The following ARHGAP28 variants were observed in gnomAD, a reference collection of about 807,000 sequenced individuals.
The protein encoded by ARHGAP28 is Rho GTPase activating protein 28, also known as rho GTPase-activating protein 28.
Under a neutral mutation model 90.7 loss-of-function variants are expected in ARHGAP28, and 56 were observed. The observed-to-expected ratio is 0.62, with a 90% CI of 0.50 to 0.77. The LOEUF (loss-of-function observed/expected upper bound fraction) is 0.77. Ranked by LOEUF, ARHGAP28 falls within the 30% of genes least tolerant of loss-of-function variation. The probability of loss-of-function intolerance (pLI) is 0.00; values close to 1 mark genes in which losing one functional copy is unlikely to be tolerated. For missense variants in ARHGAP28, 869 were observed against 900.9 expected, an observed-to-expected ratio of 0.96 and a Z score of 0.45; for synonymous variants, 308 against 323.3, an observed-to-expected ratio of 0.95 and a Z score of 0.51.
At chr18:6,881,769 T>A (rs904412961) in intron 10 of ARHGAP28, among the ~76,000 whole-genome samples, 1 of 152,152 alleles carries the variant, frequency 6.6e-6, no homozygotes. Flanking sequence ...CAGAAGGGAT[T>A]ATGAAAAGAG....
intron 2 of ARHGAP28, chr18:6,836,244 A>G (rs1337143008): frequency 6.6e-6 from 1 of 152,618 alleles, no homozygotes; most frequent in Non-Finnish European, 1.5e-5. Context: ...CAGGGAGAAG[A>G]TGGCAGCTCG....
At chr18:6,834,345 C>G (rs1567963362) in intron 2 of ARHGAP28, 1 of 151,992 alleles carries the variant, frequency 6.6e-6, no homozygotes, top group Admixed American at 6.6e-5. Context: ...GAAAAAGAGG[C>G]TTTCCTGAGA....
At chr18:6,841,182 T>TCTCTCTCTCTC (rs1567966582) in intron 3 of ARHGAP28, among the ~76,000 whole-genome samples, 11 of 44,228 alleles carry the variant, frequency 2.5e-4, no homozygotes, top group Non-Finnish European at 8.1e-5. Flanking sequence ...CTCTCTCTCC[T>TCTCTCTCTCTC]CTCTCTCTCT....
At chr18:6,829,909 G>A (rs1449362968) in intron 2 of ARHGAP28, among the ~76,000 whole-genome samples, 1 of 152,142 alleles carries the variant, frequency 6.6e-6, no homozygotes, top group Non-Finnish European at 1.5e-5. Context: ...TGTCAAGCTG[G>A]GCCATGCTCT....
At chr18:6,747,777 G>A (rs1348621236) in intron 1 of ARHGAP28, among the ~76,000 whole-genome samples, 1 of 152,260 alleles carries the variant, frequency 6.6e-6, no homozygotes, top group East Asian at 1.9e-4. Context: ...AATCATAGTG[G>A]TTCAGCCAGA....
At chr18:6,822,042 T>C (rs1331000633) in intron 1 of ARHGAP28, among the ~76,000 whole-genome samples, 1 of 152,176 alleles carries the variant, frequency 6.6e-6, no homozygotes, top group African/African-American at 2.4e-5. Flanking sequence ...TATTACCGTA[T>C]TGGCTTGAAA....
intron 17 of ARHGAP28, among the ~76,000 whole-genome samples, chr18:6,910,737 GC>G (rs2057391930): frequency 4.6e-5 from 7 of 152,086 alleles, no homozygotes; most frequent in Admixed American, 4.6e-4. Flanking sequence ...TGTAAACCCA[GC>G]CCCTAGAATA....
intron 2 of ARHGAP28, among the ~76,000 whole-genome samples, chr18:6,833,999 T>C (rs1189795298): frequency 6.6e-6 from 1 of 152,128 alleles, no homozygotes; most frequent in Non-Finnish European, 1.5e-5. Context: ...AAGCTGTTTT[T>C]AACTAACCAA....
Position 6,729,883 on chromosome 18 carries a change from A to T in ARHGAP28, c.62A>T (p.Gln21Leu), listed in dbSNP as rs2055860297. Residue 21 changes from glutamine to leucine, a missense_variant, in exon 1 of 18, where the codon CAG becomes CTG. Coordinates refer to ENST00000383472, the MANE Select transcript of ARHGAP28 (RefSeq NM_001366230.1). ...LTAYHSYARA[Q>L]PPNAESRCAP... ...GCCTACCACTCGTACGCGCGCGCCC[A>T]GCCCCCCAACGCCGAGTCGCGCTGC... The T allele has an allele frequency of 7.0e-7, 1 of 1,432,928 alleles. No homozygotes were observed. The highest frequency in any genetic ancestry group is 2.7e-5 in the Admixed American group (1 of 37,728). 88.8% of individuals were successfully genotyped at this position (1,432,928 alleles called of 1,614,324 possible). A position where few individuals can be genotyped will look rare whatever the true frequency, so the allele number is the denominator to read the frequency against.
Position 6,787,272 on chromosome 18 carries a change from T to G in ARHGAP28, c.123-37490T>G, listed in dbSNP as rs1460664666. ...TGAAGTTGCCCTTGTAAATGTATTT[T>G]GAGGATAAGAAAAAAAAAAAACTAA... On this transcript the variant is annotated intron_variant, in intron 1 of 17. Coordinates refer to ENST00000383472, the MANE Select transcript of ARHGAP28 (RefSeq NM_001366230.1). Among the ~76,000 whole-genome samples the G allele has an allele frequency of 2.0e-5, 3 of 149,450 alleles. No individual in the cohort carries two copies. In the South Asian group the frequency reaches 6.4e-4, roughly 32 times the overall value.
At chr18:6,889,178 A>G (rs1600290492) in intron 12 of ARHGAP28, among the ~76,000 whole-genome samples, 1 of 152,104 alleles carries the variant, frequency 6.6e-6, no homozygotes, top group Non-Finnish European at 1.5e-5. Context: ...ACCAAAGAGC[A>G]CTTCTTTTGG....
Position 6,912,347 on chromosome 18 carries a change from A to C in ARHGAP28, c.*193A>C. The C allele has an allele frequency of 2.7e-6, 1 of 373,110 alleles. No individual in the cohort carries two copies. Among genetic ancestry groups the C allele is most frequent in the Non-Finnish European group, 4.8e-6 (1 of 206,772 alleles). 23.1% of individuals were successfully genotyped at this position (373,110 alleles called of 1,614,324 possible). On this transcript the variant is annotated 3_prime_UTR_variant, in exon 18 of 18. Transcript: ENST00000383472. ...TCACCAATTCAACTGAAGCTTTCTC[A>C]TGACTTTTTTTTTTATAAAAGTAAA...
intron 1 of ARHGAP28, among the ~76,000 whole-genome samples, chr18:6,798,303 C>T (rs529361107): frequency 6.6e-6 from 1 of 152,100 alleles, no homozygotes; most frequent in Non-Finnish European, 1.5e-5. Context: ...AAGCAATTCT[C>T]CTGCCTCAGC....
At chr18:6,798,275 C>T (rs1600193763) in intron 1 of ARHGAP28, among the ~76,000 whole-genome samples, 1 of 152,128 alleles carries the variant, frequency 6.6e-6, no homozygotes, top group East Asian at 1.9e-4. Context: ...CTCACTGCAA[C>T]TTCCGCCTCC....
chr18:6,866,526 G>A (rs890118374), intron 5 of ARHGAP28, among the ~76,000 whole-genome samples: 7 of 152,104 alleles, frequency 4.6e-5, no homozygotes, highest in African/African-American at 1.4e-4. Context: ...GAAACCTTCT[G>A]GGCAGCACCT....
chr18:6,817,927 C>T (rs974722858), intron 1 of ARHGAP28, among the ~76,000 whole-genome samples: 3 of 152,164 alleles, frequency 2.0e-5, no homozygotes, highest in Non-Finnish European at 2.9e-5. Flanking sequence ...CTGATAAATA[C>T]AGTTTTATTT....
chr18:6,891,959 C>G (rs1208742884), intron 14 of ARHGAP28, among the ~76,000 whole-genome samples: 1 of 152,030 alleles, frequency 6.6e-6, no homozygotes, highest in African/African-American at 2.4e-5. Flanking sequence ...GGGAAAAGGA[C>G]AGTAAATGCC....
At chr18:6,863,494 A>G (rs925305179) in intron 5 of ARHGAP28, among the ~76,000 whole-genome samples, 2 of 151,666 alleles carry the variant, frequency 1.3e-5, no homozygotes, top group South Asian at 4.2e-4. Flanking sequence ...TAAACTGTAG[A>G]ATTTGATTCA....
At chr18:6,856,844 A>G (rs1252535480) in intron 4 of ARHGAP28, among the ~76,000 whole-genome samples, 1 of 152,204 alleles carries the variant, frequency 6.6e-6, no homozygotes, top group Non-Finnish European at 1.5e-5. Flanking sequence ...TTCCCATTTC[A>G]TATAAGTCTA....
Sources: gnomAD v4.1 joint callset for allele counts (sites outside exome capture counted in the v4.1 genomes callset) on GRCh38, gnomAD v4.1.1 for gene constraint, MANE v1.5 for transcripts, NCBI Gene and HGNC (gene_info 2026-07-23, HGNC 2026-07-21) for gene names.